The following UXS1 variants were observed in gnomAD, a reference collection of about 807,000 sequenced individuals.
UXS1 encodes the protein UDP-glucuronate decarboxylase 1.
Under a neutral mutation model 62.6 loss-of-function variants are expected in UXS1, and 33 were observed. The observed-to-expected ratio is 0.53, with a 90% CI of 0.40 to 0.70. The LOEUF (loss-of-function observed/expected upper bound fraction) is 0.70, where lower values mean the gene tolerates loss of function less well. UXS1 is among the 30% of genes least tolerant of loss of function. UXS1 has a pLI of 0.00. For synonymous variants in UXS1, 213 were observed against 206.8 expected (o/e 1.03, Z -0.26); for missense variants, 434 against 556.3 (o/e 0.78, Z 2.21).
chr2:106,145,021 T>TTA (rs1179607233), intron 6 of UXS1, among the ~76,000 whole-genome samples, 169 bp downstream of exon 6: 1 of 152,170 alleles, frequency 6.6e-6, no homozygotes, highest in Non-Finnish European at 1.5e-5. Context: ...TAACCACTCG[T>TTA]TATCACACAG....
intron 9 of UXS1, among the ~76,000 whole-genome samples, chr2:106,121,098 A>G (rs1242267091): frequency 6.6e-6 from 1 of 152,154 alleles, no homozygotes; most frequent in Non-Finnish European, 1.5e-5. Context: ...AACGGGTCCA[A>G]TGTTAGCATT....
intron 1 of UXS1, among the ~76,000 whole-genome samples, chr2:106,169,183 G>A (rs887421044): frequency 7.9e-5 from 12 of 152,056 alleles, no homozygotes; most frequent in Non-Finnish European, 1.5e-4. Context: ...ACCCATGTGC[G>A]CTTTTCTTTA....
Position 106,122,793 on chromosome 2 carries a change from G to A in UXS1, c.759+177C>T, listed in dbSNP as rs989633094. Among the ~76,000 whole-genome samples the A allele has an allele frequency of 3.3e-5, 5 of 152,278 alleles. 1 individual carries two copies. Among genetic ancestry groups the A allele is most frequent in the Admixed American group, 3.3e-4 (5 of 15,296 alleles). On this transcript the variant is annotated intron_variant, in intron 9 of 14. Transcript: ENST00000283148. ...TAGGAAATCATTTTTAAAATAAGGA[G>A]ATACATGGAAAAAGCTGTTGATAAT...
intron 1 of UXS1, among the ~76,000 whole-genome samples, chr2:106,179,785 G>C (rs1684126052): frequency 6.6e-6 from 1 of 152,180 alleles, no homozygotes; most frequent in Non-Finnish European, 1.5e-5. Flanking sequence ...TGCAACCATA[G>C]ATTCATGAGG....
At chr2:106,189,471 G>T (rs1279280948) in intron 1 of UXS1, among the ~76,000 whole-genome samples, 1 of 152,314 alleles carries the variant, frequency 6.6e-6, no homozygotes, top group East Asian at 1.9e-4. Flanking sequence ...TAACTAGAGG[G>T]AAGGAAAACT....
At chr2:106,178,550 A>G (rs1476478297) in intron 1 of UXS1, among the ~76,000 whole-genome samples, 8 of 151,776 alleles carry the variant, frequency 5.3e-5, no homozygotes, top group Non-Finnish European at 1.2e-4. Flanking sequence ...GTAAATATAT[A>G]CAAGTGGGTG....
chr2:106,181,051 C>T (rs933451414), intron 1 of UXS1, among the ~76,000 whole-genome samples: 6 of 152,176 alleles, frequency 3.9e-5, no homozygotes, highest in Admixed American at 1.3e-4. Context: ...TCTGATGGAA[C>T]GAACAGATAC....
At chr2:106,187,075 A>C (rs1032345855) in intron 1 of UXS1, among the ~76,000 whole-genome samples, 1 of 152,112 alleles carries the variant, frequency 6.6e-6, no homozygotes, top group African/African-American at 2.4e-5. Flanking sequence ...ATATACAAAA[A>C]AAGTAAGAAA....
intron 9 of UXS1, among the ~76,000 whole-genome samples, chr2:106,117,683 T>G (rs1679166377): frequency 6.6e-6 from 1 of 152,126 alleles, no homozygotes; most frequent in African/African-American, 2.4e-5. Context: ...TGCACCAAGG[T>G]ACAGCAGCCC....
chr2:106,164,016 T>A (rs145158101), intron 3 of UXS1, among the ~76,000 whole-genome samples: 323 of 152,294 alleles, frequency 2.1e-3, no homozygotes, highest in African/African-American at 7.3e-3. Context: ...ACACTATCCA[T>A]CTCTTTTTAG....
At chr2:106,155,886 C>T (rs534951800) in intron 5 of UXS1, among the ~76,000 whole-genome samples, 6 of 152,234 alleles carry the variant, frequency 3.9e-5, no homozygotes, top group African/African-American at 1.2e-4. Context: ...ACCTAATACC[C>T]TATTCAAAAA....
intron 9 of UXS1, among the ~76,000 whole-genome samples, chr2:106,122,212 G>C (rs1200410623): frequency 6.6e-6 from 1 of 152,162 alleles, no homozygotes; most frequent in Non-Finnish European, 1.5e-5. Flanking sequence ...TATACCAGAG[G>C]GCATTTTCAT....
chr2:106,121,178 AG>A (rs1376013137), intron 9 of UXS1, among the ~76,000 whole-genome samples: 5 of 152,190 alleles, frequency 3.3e-5, no homozygotes, highest in Admixed American at 6.5e-5. Context: ...TCGGTGCTCA[AG>A]AAGTGCTGCT....
chr2:106,183,981 C>T (rs1383750630), intron 1 of UXS1, among the ~76,000 whole-genome samples: 1 of 152,088 alleles, frequency 6.6e-6, no homozygotes, highest in African/African-American at 2.4e-5. Flanking sequence ...CACCTGAGGT[C>T]GGGAGTTCGA....
At chr2:106,156,901 G>C (rs1682477862) in intron 5 of UXS1, among the ~76,000 whole-genome samples, 1 of 152,236 alleles carries the variant, frequency 6.6e-6, no homozygotes, top group South Asian at 2.1e-4. Context: ...TCATATAACA[G>C]ATTATTTGGT....
rs1270562918 is a variant in UXS1, at chr2:106,096,202, G to GTA, written c.1146+515_1146+516insTA. ...GTCAGGGGTGTGTGTGTGTGTGTGT[G>GTA]TGTATGTATGTGGGAGAGGGAGTGT... On this transcript the variant is annotated intron_variant, in intron 14 of 14. Coordinates refer to ENST00000283148, the MANE Select transcript of UXS1 (RefSeq NM_001253875.2). Among the ~76,000 whole-genome samples, 1,131 of 151,396 alleles carry GTA rather than the reference G, an allele frequency of 7.5e-3. 5 individuals carry two copies. The highest frequency in any genetic ancestry group is 9.7e-3 in the Admixed American group (147 of 15,218).
intron 1 of UXS1, among the ~76,000 whole-genome samples, chr2:106,176,595 C>A (rs950672666): frequency 6.6e-6 from 1 of 152,214 alleles, no homozygotes; most frequent in Admixed American, 6.5e-5. Context: ...CGTGCCTACT[C>A]CTGAACCTGA....
Position 106,096,772 on chromosome 2 carries a change from C to A in UXS1, c.1092G>T (p.Gln364His). 6.3e-7 allele frequency: 1 copy of A among 1,593,480 alleles called. No homozygotes were observed. The highest frequency in any genetic ancestry group is 2.3e-5 in the East Asian group (1 of 44,380). ...QFLSEAQDDP[Q>H]KRKPDIKKAK... is the part of the protein sequence containing the mutation. Reference sequence around the variant, plus strand: ...CTTTTTTGATGTCTGGTTTTCTTTTCTGTGGGTCATCCTGGGCTTCGGAGA... The same window carrying A: ...CTTTTTTGATGTCTGGTTTTCTTTTATGTGGGTCATCCTGGGCTTCGGAGA... The change falls in exon 14 of 15, where the codon CAG (glutamine) becomes CAT (histidine). Residue 364 changes from glutamine to histidine, a missense_variant. Transcript: ENST00000283148.
intron 1 of UXS1, among the ~76,000 whole-genome samples, chr2:106,190,516 T>G (rs955951225): frequency 6.6e-6 from 1 of 151,956 alleles, no homozygotes; most frequent in East Asian, 1.9e-4. Context: ...GAGGCTGAGG[T>G]AGGCAGATCA....
Sources: gnomAD v4.1 joint callset for allele counts (sites outside exome capture counted in the v4.1 genomes callset) on GRCh38, gnomAD v4.1.1 for gene constraint, MANE v1.5 for transcripts, NCBI Gene and HGNC (gene_info 2026-07-23, HGNC 2026-07-21) for gene names.